FAM221A: variants seen among roughly 807,000 people sequenced by gnomAD.
FAM221A encodes protein FAM221A.
In FAM221A, 43 loss-of-function variants were observed where a neutral mutation model predicts 37.6. The ratio of observed to expected loss-of-function variants is 1.15; its 90% CI spans 0.90 to 1.48. The LOEUF is 1.48. Ranked by LOEUF, FAM221A falls within the 40% of genes most tolerant of loss-of-function variation. The probability of loss-of-function intolerance (pLI) is 0.00; values close to 1 mark genes in which losing one functional copy is unlikely to be tolerated. For synonymous variants in FAM221A, 135 were observed against 132.9 expected (o/e 1.02, Z -0.11); for missense variants, 361 against 361.5 (o/e 1.00, Z 0.01).
chr7:23,701,966 T>G (rs964637218), intron 6 of FAM221A, 130 bp from the exon 7 acceptor site: 4 of 453,312 alleles, frequency 8.8e-6, no homozygotes, highest in Non-Finnish European at 1.6e-5. Flanking sequence ...TAACAGATTT[T>G]GGCTTTAGTA....
At chr7:23,689,810 T>C (rs1784603756) in intron 3 of FAM221A, among the ~76,000 whole-genome samples, 1 of 152,284 alleles carries the variant, frequency 6.6e-6, no homozygotes, top group Non-Finnish European at 1.5e-5. Context: ...ATTCTATTCA[T>C]AGATTTTAAA....
chr7:23,684,289 C>G (rs931408515), intron 1 of FAM221A, among the ~76,000 whole-genome samples: 1 of 152,080 alleles, frequency 6.6e-6, no homozygotes, highest in Non-Finnish European at 1.5e-5. Flanking sequence ...GTATAAGGAC[C>G]CTGGTTCTAT....
Position 23,689,425 on chromosome 7 carries a change from G to A in FAM221A, c.396G>A (p.Gln132=), listed in dbSNP as rs955963281. The A allele has an allele frequency of 5.0e-6, 8 of 1,592,398 alleles. No homozygotes were observed. In the African/African-American group the frequency reaches 9.4e-5, roughly 19 times the overall value. ...IRCRCKHFAD[Q]HSAAPGFTCN... ...GCAGGTGCAAACACTTTGCTGATCA[G>A]CACAGTGCTGCGCCTGGCTTTACAT... The change falls in exon 3 of 7, where the codon CAG becomes CAA. Residue 132 remains glutamine, a synonymous_variant. Transcript: ENST00000344962.
intron 4 of FAM221A, chr7:23,694,844 T>C (rs1184486779): frequency 6.6e-6 from 1 of 152,238 alleles, no homozygotes; most frequent in Non-Finnish European, 1.5e-5. Context: ...CTTCATTTTA[T>C]TGCTTCAGAA....
intron 4 of FAM221A, chr7:23,692,206 G>A (rs1432922538): frequency 4.1e-6 from 4 of 974,108 alleles, no homozygotes; most frequent in South Asian, 4.8e-5. Context: ...TCTGAGAGCT[G>A]AGCGGGACTG....
chr7:23,702,196 A>G lies in FAM221A; in HGVS notation c.*32A>G. ...TTGGAGAAATTAAAACCATCATCCA[A>G]GTATCTTTTTCATGTTTATTTAAAT... is the stretch of plus-strand genomic sequence containing the variant. On this transcript the variant is annotated 3_prime_UTR_variant, in exon 7 of 7. Transcript: ENST00000344962. 1 of 1,393,628 alleles carries G rather than the reference A, an allele frequency of 7.2e-7. No homozygotes were observed. Among genetic ancestry groups the G allele is most frequent in the Middle Eastern group, 1.8e-4 (1 of 5,460 alleles). 86.3% of individuals were successfully genotyped at this position (1,393,628 alleles called of 1,614,324 possible). A position where few individuals can be genotyped will look rare whatever the true frequency, so the allele number is the denominator to read the frequency against.
At chr7:23,691,039 C>A (rs575009520) in intron 3 of FAM221A, among the ~76,000 whole-genome samples, 1 of 152,284 alleles carries the variant, frequency 6.6e-6, no homozygotes, top group Admixed American at 6.5e-5. Flanking sequence ...GGGAGTTGAT[C>A]TGTAGGAAGA....
rs768438024 is a variant in FAM221A, at chr7:23,689,374, C to T, written c.345C>T (p.Pro115=). 2.5e-6 allele frequency: 4 copies of T among 1,608,494 alleles called. 1 individual carries two copies. The South Asian group carries it at 3.3e-5, about 13-fold the overall frequency. The change falls in exon 3 of 7, where the codon CCC becomes CCT. Residue 115 remains proline, a synonymous_variant. Coordinates refer to ENST00000344962, the MANE Select transcript of FAM221A (RefSeq NM_199136.5). The part of the protein sequence containing the change: ...GCQCRAYLYV[P]LNGSQPIRCR... ...AGTGCAGGGCTTACCTTTATGTCCC[C>T]TTGAATGGTAGCCAGCCCATTCGCT...
chr7:23,702,763 T>A (rs1233664002), downstream of FAM221A: 7 of 152,218 alleles, frequency 4.6e-5, no homozygotes, highest in African/African-American at 1.7e-4. Context: ...ACTGGACACA[T>A]CTTGTGTGCC....
rs142712999 is a variant in FAM221A at position 23,700,821 on chromosome 7, C to G, written c.781C>G (p.Pro261Ala). Residue 261 changes from proline to alanine, a missense_variant, in exon 6 of 7, where the codon CCT becomes GCT. By Grantham distance (27) the Pro-to-Ala change is conservative (BLOSUM62 -1). Transcript: ENST00000344962. Reference protein sequence around the residue: ...TSSQVSSLRRPEEDDMAFFER... With the variant: ...TSSQVSSLRRAEEDDMAFFER... ...TAGTCAAGTTTCTTCATTAAGGAGA[C>G]CTGAAGAGGATGATATGGCTTTCTT... The G allele has an allele frequency of 2.3e-5, 37 of 1,607,150 alleles. No homozygotes were observed. The highest frequency in any genetic ancestry group is 3.1e-5 in the Non-Finnish European group (37 of 1,177,860).
chr7:23,689,543 A>T (rs1008419429), intron 3 of FAM221A, 84 bp downstream of exon 3: 1 of 1,014,254 alleles, frequency 9.9e-7, no homozygotes, highest in Admixed American at 2.4e-5. Flanking sequence ...TACTGGTTGT[A>T]GAGTTAATAT....
In FAM221A at chr7:23,690,188, TATATA is replaced by T. The variant is rs1284356874; in HGVS notation, c.430+730_430+734del. ...CTTGGTTCATATATATATATATATA[TATATA>T]TATATATTTTTTTTTTTTTTAATAG... On this transcript the variant is annotated intron_variant, in intron 3 of 6. Transcript: ENST00000344962. Among the ~76,000 whole-genome samples, 2 of 55,350 alleles carry T rather than the reference TATATA, an allele frequency of 3.6e-5. 1 individual carries two copies. Among genetic ancestry groups the T allele is most frequent in the African/African-American group, 1.1e-4 (2 of 17,490 alleles). 36.3% of individuals were successfully genotyped at this position (55,350 alleles called of 152,430 possible). A position where few individuals can be genotyped will look rare whatever the true frequency, so the allele number is the denominator to read the frequency against.
intron 1 of FAM221A, 43 bp downstream of exon 1, chr7:23,680,326 G>T: frequency 6.7e-7 from 1 of 1,486,254 alleles, no homozygotes; most frequent in East Asian, 2.6e-5. Flanking sequence ...CGCTCCGAGG[G>T]GCCAGGATCC....
rs1175330292 is a variant in FAM221A at position 23,690,170 on chromosome 7, CATATAT to C, written c.430+736_430+741del. Among the ~76,000 whole-genome samples the C allele has an allele frequency of 2.6e-3, 180 of 68,594 alleles. 4 individuals are homozygous for C. The highest frequency in any genetic ancestry group is 3.7e-3 in the South Asian group (4 of 1,072). 45.0% of individuals were successfully genotyped at this position (68,594 alleles called of 152,430 possible). On this transcript the variant is annotated intron_variant, in intron 3 of 6. Coordinates refer to ENST00000344962, the MANE Select transcript of FAM221A (RefSeq NM_199136.5). ...ACTGATTTATTTATATGCCTTGGTT[CATATAT>C]ATATATATATATATATATATATATT...
chr7:23,695,945 G>T (rs1785032330), intron 4 of FAM221A, among the ~76,000 whole-genome samples: 2 of 152,106 alleles, frequency 1.3e-5, no homozygotes, highest in Admixed American at 1.3e-4. Context: ...TGGCATCTTT[G>T]CCCTTTAGTG....
intron 1 of FAM221A, among the ~76,000 whole-genome samples, chr7:23,682,526 G>C (rs182639385): frequency 6.6e-6 from 1 of 151,306 alleles, no homozygotes; most frequent in African/African-American, 2.4e-5. Context: ...CTGCCTCCGT[G>C]GAAGTGATTC....
rs750900009 is a variant in FAM221A, at chr7:23,691,397, G to A, written c.438G>A (p.Lys146=). ...CTTTACATCTTGATTCAGGTTCCAA[G>A]TGTTCAGGATTCCATAGCTGCTTCA... ...APGFTCNTCS[K]CSGFHSCFTC... The change falls in exon 4 of 7, where the codon AAG becomes AAA. Residue 146 remains lysine (K), a synonymous_variant. Coordinates refer to ENST00000344962, the MANE Select transcript of FAM221A (RefSeq NM_199136.5). The A allele has an allele frequency of 8.1e-6, 13 of 1,613,940 alleles. No individual in the cohort carries two copies. The highest frequency in any genetic ancestry group is 4.4e-5 in the South Asian group (4 of 91,090).
rs368456190 is a variant in FAM221A, at chr7:23,691,561, C to A, written c.602C>A (p.Ala201Glu). The change falls in exon 4 of 7, where the codon GCG becomes GAG. Residue 201 changes from alanine (A) to glutamate (E), a missense_variant. Physicochemically the swap from Ala to Glu is moderately radical, Grantham distance 107. Transcript: ENST00000344962. ...GGATTAACTGGTTTCAGCTCGCTGGCGGAAGGCTACATGCGGTTAGATGAC... is the reference window on the plus strand; with the variant it reads ...GGATTAACTGGTTTCAGCTCGCTGGAGGAAGGCTACATGCGGTTAGATGAC... ...MGGLTGFSSL[A>E]EGYMRLDDSG... The A allele has an allele frequency of 1.1e-5, 17 of 1,614,062 alleles. No individual in the cohort carries two copies. The Admixed American group carries it at 1.7e-4, about 16-fold the overall frequency.
chr7:23,698,483 T>C (rs562039185), intron 5 of FAM221A, among the ~76,000 whole-genome samples, 184 bp downstream of exon 5: 4 of 152,214 alleles, frequency 2.6e-5, no homozygotes, highest in African/African-American at 9.6e-5. Context: ...TCATTTTGTA[T>C]TGGGAAAAAT....
Sources: allele counts gnomAD v4.1 joint callset (sites outside exome capture counted in the v4.1 genomes callset), GRCh38; gene constraint gnomAD v4.1.1; transcripts MANE v1.5; gene names NCBI Gene and HGNC (gene_info 2026-07-23, HGNC 2026-07-21).